The following PDE3B variants were observed in gnomAD, a reference collection of about 807,000 sequenced individuals.
PDE3B encodes the protein cGMP-inhibited 3',5'-cyclic phosphodiesterase 3B.
A neutral mutation model predicts 116.8 loss-of-function variants in PDE3B; 66 were observed. The observed-to-expected ratio is 0.56, with a 90% CI of 0.46 to 0.69. The LOEUF (loss-of-function observed/expected upper bound fraction) is 0.69, where lower values mean the gene tolerates loss of function less well. Ranked by LOEUF, PDE3B falls within the 30% of genes least tolerant of loss-of-function variation. PDE3B has a pLI of 0.00. For synonymous variants in PDE3B, 595 were observed against 533.6 expected, an observed-to-expected ratio of 1.12 and a Z score of -1.59; for missense variants, 1,384 against 1,368.1, an observed-to-expected ratio of 1.01 and a Z score of -0.18.
intron 1 of PDE3B, among the ~76,000 whole-genome samples, chr11:14,747,815 C>T (rs879479463): frequency 2.0e-5 from 3 of 152,018 alleles, no homozygotes; most frequent in Admixed American, 1.3e-4. Context: ...GTTTTATAAA[C>T]GCATGTAATA....
chr11:14,763,860 T>A (rs1857424381), intron 1 of PDE3B, among the ~76,000 whole-genome samples: 1 of 152,018 alleles, frequency 6.6e-6, no homozygotes, highest in Admixed American at 6.6e-5. Context: ...TGGAGGGAGA[T>A]AAACCTGGGT....
At chr11:14,796,696 C>T (rs1409380970) in intron 4 of PDE3B, among the ~76,000 whole-genome samples, 5 of 152,102 alleles carry the variant, frequency 3.3e-5, no homozygotes, top group African/African-American at 9.7e-5. Context: ...ATATCTTTTG[C>T]CCACTTTTTG....
chr11:14,756,844 C>T (rs1310205328), intron 1 of PDE3B, among the ~76,000 whole-genome samples: 1 of 150,412 alleles, frequency 6.6e-6, no homozygotes, highest in Admixed American at 6.6e-5. Flanking sequence ...GGTGCATGTG[C>T]ACATTGTGCA....
At chr11:14,797,844 T>A (rs890336800) in intron 4 of PDE3B, among the ~76,000 whole-genome samples, 1 of 152,118 alleles carries the variant, frequency 6.6e-6, no homozygotes, top group African/African-American at 2.4e-5. Flanking sequence ...GACAATGGGG[T>A]TTTATAAATA....
chr11:14,791,436 C>T (rs749002729), intron 4 of PDE3B, among the ~76,000 whole-genome samples: 5 of 152,104 alleles, frequency 3.3e-5, no homozygotes, highest in Middle Eastern at 6.8e-3. Flanking sequence ...CCTTATTTCC[C>T]CGCACAATGC....
intron 1 of PDE3B, among the ~76,000 whole-genome samples, chr11:14,748,713 A>T: frequency 6.6e-6 from 1 of 151,966 alleles, no homozygotes; most frequent in South Asian, 2.1e-4. Flanking sequence ...TCTCTTTTTC[A>T]TTCATTATGG....
At position 14,871,351 on chromosome 11, in the gene PDE3B, A is replaced by G. The variant is rs1444912789; in HGVS notation, c.*1691A>G. On this transcript the variant is annotated 3_prime_UTR_variant, in exon 16 of 16. Transcript: ENST00000282096. ...CAGTCCCACCACTTATTACTAATAAAATTTTGACTGATAATTTATATTTGC... is the reference window on the plus strand; with the variant it reads ...CAGTCCCACCACTTATTACTAATAAGATTTTGACTGATAATTTATATTTGC... 2.6e-5 allele frequency: 4 copies of G among 152,138 alleles called. No individual in the cohort carries two copies. The highest frequency in any genetic ancestry group is 9.7e-5 in the African/African-American group (4 of 41,424). The allele number at this position is 152,138 out of a possible 1,614,324, so 9.4% of individuals were successfully genotyped here.
chr11:14,859,266 G>A lies in PDE3B; in HGVS notation c.2724+20G>A. The A allele has an allele frequency of 6.5e-7, 1 of 1,547,406 alleles. No homozygotes were observed. The highest frequency in any genetic ancestry group is 8.8e-7 in the Non-Finnish European group (1 of 1,132,710). ...GCCAAGGTTTGTTATGAAAATTAGT[G>A]CCTGATTTAAAAAATCTTTATTGTC... On this transcript the variant is annotated intron_variant, in intron 13 of 15. Coordinates refer to ENST00000282096, the MANE Select transcript of PDE3B (RefSeq NM_000922.4).
At chr11:14,692,493 C>A (rs975322174) in intron 1 of PDE3B, among the ~76,000 whole-genome samples, 11 of 152,018 alleles carry the variant, frequency 7.2e-5, no homozygotes, top group African/African-American at 1.9e-4. Context: ...CTGTTGGCAC[C>A]ATTTTTCTTA....
Position 14,869,565 on chromosome 11 carries a change from T to C in PDE3B, c.3244T>C (p.Cys1082Arg). ...GGAAATCGTAGAGGAAGAAGAAAAA[T>C]GTAAAGCTGATGGGAATAAACTGCA... ...WKEIVEEEEK[C>R]KADGNKLQVE... The change falls in exon 16 of 16, where the codon TGT (cysteine) becomes CGT (arginine). Residue 1082 changes from cysteine to arginine, a missense_variant. By Grantham distance (180) the Cys-to-Arg change is radical. This residue lies in a region of PDE3B where 428 missense variants were observed against 561.4 expected (regional missense o/e 0.76). Transcript: ENST00000282096. 2 of 1,612,590 alleles carry C rather than the reference T, an allele frequency of 1.2e-6. No individual in the cohort carries two copies. Among genetic ancestry groups the C allele is most frequent in the Non-Finnish European group, 1.7e-6 (2 of 1,179,658 alleles).
intron 1 of PDE3B, among the ~76,000 whole-genome samples, chr11:14,728,390 T>C (rs1414401228): frequency 6.6e-6 from 1 of 152,108 alleles, no homozygotes; most frequent in Non-Finnish European, 1.5e-5. Context: ...GTATTTTTCA[T>C]GCTAACATTG....
At chr11:14,844,131 T>A (rs904418393) in intron 12 of PDE3B, 105 bp downstream of exon 12, 10 of 779,232 alleles carry the variant, frequency 1.3e-5, no homozygotes, top group Non-Finnish European at 2.2e-5. Flanking sequence ...CCAATCCATC[T>A]GACTTTAATA....
At chr11:14,673,848 T>A in intron 1 of PDE3B, 1 of 1,270,006 alleles carries the variant, frequency 7.9e-7, no homozygotes, top group East Asian at 2.3e-5. Context: ...TCTCTCAAAT[T>A]TGTAGAGTAG....
At chr11:14,823,097 G>A (rs955310758) in intron 7 of PDE3B, among the ~76,000 whole-genome samples, 3 of 151,874 alleles carry the variant, frequency 2.0e-5, no homozygotes, top group Admixed American at 6.6e-5. Context: ...CAGTGGTTCC[G>A]AGCCTCCCTG....
chr11:14,850,769 G>A (rs1847729653), intron 12 of PDE3B, among the ~76,000 whole-genome samples: 1 of 152,092 alleles, frequency 6.6e-6, no homozygotes, highest in Admixed American at 6.6e-5. Context: ...TCAACAAATA[G>A]ATACTGTAAT....
At chr11:14,814,358 T>A (rs1301118754) in intron 5 of PDE3B, among the ~76,000 whole-genome samples, 1 of 152,108 alleles carries the variant, frequency 6.6e-6, no homozygotes, top group Non-Finnish European at 1.5e-5. Context: ...ACATGGAAAA[T>A]CTAGAAGGCT....
At chr11:14,730,425 TC>T (rs1856426742) in intron 1 of PDE3B, among the ~76,000 whole-genome samples, 2 of 152,216 alleles carry the variant, frequency 1.3e-5, no homozygotes, top group African/African-American at 4.8e-5. Context: ...CCACTACATT[TC>T]CTTGTGATAG....
intron 1 of PDE3B, among the ~76,000 whole-genome samples, chr11:14,697,669 G>A (rs992487082): frequency 1.3e-5 from 2 of 152,038 alleles, no homozygotes; most frequent in African/African-American, 4.8e-5. Flanking sequence ...ATTAATTTGG[G>A]GAGGATTGGC....
At chr11:14,797,139 GT>G (rs1249540620) in intron 4 of PDE3B, among the ~76,000 whole-genome samples, 1 of 152,162 alleles carries the variant, frequency 6.6e-6, no homozygotes, top group Non-Finnish European at 1.5e-5. Flanking sequence ...CCCATTGCTT[GT>G]TGTGTCAGGT....
Sources: allele counts gnomAD v4.1 joint callset (sites outside exome capture counted in the v4.1 genomes callset), GRCh38; gene constraint gnomAD v4.1.1; regional missense constraint gnomAD v4.1.1; transcripts MANE v1.5; gene names NCBI Gene and HGNC (gene_info 2026-07-23, HGNC 2026-07-21).